WNT5B: variants seen among roughly 807,000 people sequenced by gnomAD.
WNT5B encodes the protein Wnt family member 5B.
WNT5B carries 18 observed loss-of-function variants against 36.5 expected under a neutral mutation model. That is an observed-to-expected ratio of 0.49 (90% CI 0.34 to 0.73). The LOEUF (loss-of-function observed/expected upper bound fraction) is 0.73, where lower values mean the gene tolerates loss of function less well. Ranked by LOEUF, WNT5B falls within the 30% of genes least tolerant of loss-of-function variation. The pLI is 0.01. For missense variants in WNT5B, 424 were observed against 508.4 expected (o/e 0.83, Z 1.60); for synonymous variants, 213 against 212.3 (o/e 1.00, Z -0.03).
intron 1 of WNT5B, 36 bp from the exon 2 acceptor site, chr12:1,631,262 G>T: frequency 6.4e-7 from 1 of 1,568,644 alleles, no homozygotes; most frequent in Non-Finnish European, 8.7e-7. Context: ...TATCCGCTGA[G>T]TTTCCACACT....
Position 1,646,182 on chromosome 12 carries a change from A to G in WNT5B, c.1010A>G (p.Lys337Arg), listed in dbSNP as rs752353478. 8.1e-6 allele frequency: 13 copies of G among 1,613,890 alleles called. No individual in the cohort carries two copies. In the Admixed American group the frequency reaches 1.3e-4, roughly 17 times the overall value. Reference sequence around the variant, plus strand: ...GTGCAGGTGGAGCGCTGCCACTGCAAGTTCCACTGGTGCTGCTTCGTCAGG... The same window carrying G: ...GTGCAGGTGGAGCGCTGCCACTGCAGGTTCCACTGGTGCTGCTTCGTCAGG... ...KSVQVERCHC[K>R]FHWCCFVRCK... Residue 337 changes from lysine (K) to arginine (R), a missense_variant, in exon 5 of 5, where the codon AAG (lysine) becomes AGG (arginine). By Grantham distance (26) the Lys-to-Arg change is conservative (BLOSUM62 2). Transcript: ENST00000397196.
chr12:1,646,140 A>G lies in WNT5B; in HGVS notation c.968A>G (p.Tyr323Cys). The G allele has an allele frequency of 6.2e-7, 1 of 1,613,890 alleles. No individual in the cohort carries two copies. The highest frequency in any genetic ancestry group is 8.5e-7 in the Non-Finnish European group (1 of 1,180,038). The stretch of plus-strand genomic sequence containing the variant: ...GAGCTCATGTGCTGCGGGCGTGGCT[A>G]CAACCAGTTCAAGAGCGTGCAGGTG... ...GCELMCCGRG[Y>C]NQFKSVQVER... Residue 323 changes from tyrosine to cysteine, a missense_variant, in exon 5 of 5, where the codon TAC becomes TGC. Tyr to Cys is a radical substitution (Grantham distance 194, BLOSUM62 -2). Transcript: ENST00000397196.
intron 4 of WNT5B, 109 bp downstream of exon 4, chr12:1,640,085 T>C: frequency 7.6e-7 from 1 of 1,309,850 alleles, no homozygotes; most frequent in Non-Finnish European, 1.0e-6. Context: ...AGTCTGACCG[T>C]GAAGATTCTT....
rs567842729 is a variant in WNT5B, at chr12:1,622,990, C to G, written c.-58+5847C>G. On this transcript the variant is annotated intron_variant, in intron 1 of 4. Coordinates refer to the WNT5B transcript ENST00000310594. ...GAGAGGAGAAACCATTCCCAGAAGTCGGCAAGGCACAGCGGGGAGAAACAG... is the reference window on the plus strand; with the variant it reads ...GAGAGGAGAAACCATTCCCAGAAGTGGGCAAGGCACAGCGGGGAGAAACAG... Among the ~76,000 whole-genome samples, 23 of 152,016 alleles carry G rather than the reference C, an allele frequency of 1.5e-4. No individual in the cohort carries two copies. In the South Asian group the frequency reaches 4.6e-3, roughly 30 times the overall value.
intron 1 of WNT5B, 93 bp from the exon 2 acceptor site, chr12:1,631,204 AG>A (rs1416311703): frequency 1.8e-5 from 20 of 1,128,066 alleles, no homozygotes; most frequent in Non-Finnish European, 2.5e-5. Context: ...GCAGCACGTA[AG>A]CATCAGTGCA....
chr12:1,623,196 T>TTTTG (rs2094536473), intron 1 of WNT5B, among the ~76,000 whole-genome samples: 3 of 114,888 alleles, frequency 2.6e-5, no homozygotes, highest in Non-Finnish European at 3.6e-5. Context: ...TGTTTTTTTT[T>TTTTG]TTTTTTTTTT....
chr12:1,623,187 GTTT>G (rs771500550), intron 1 of WNT5B, among the ~76,000 whole-genome samples: 100 of 58,352 alleles, frequency 1.7e-3, no homozygotes, highest in African/African-American at 6.0e-3. Context: ...GTTTTTTGTT[GTTT>G]TTTTTTTTTT....
chr12:1,620,426 T>C (rs1329936532), intron 1 of WNT5B, among the ~76,000 whole-genome samples: 3 of 152,264 alleles, frequency 2.0e-5, no homozygotes, highest in African/African-American at 4.8e-5. Flanking sequence ...TTTTCCTTCC[T>C]GCATAATAAT....
chr12:1,618,132 G>A lies in WNT5B; in HGVS notation c.-58+989G>A, dbSNP rs1052354440. On this transcript the variant is annotated intron_variant, in intron 1 of 4. Coordinates refer to the WNT5B transcript ENST00000310594. The surrounding 1 kb of genome is among the most constrained non-coding windows in gnomAD (Gnocchi z 4.1). The stretch of plus-strand genomic sequence containing the variant: ...ACTCCAGCCTGGGTGACAGTGAGAC[G>A]ATGTCTCCAAAAAAGAAAAGACAGC... Among the ~76,000 whole-genome samples, 10 of 152,094 alleles carry A rather than the reference G, an allele frequency of 6.6e-5. No individual in the cohort carries two copies. Among genetic ancestry groups the A allele is most frequent in the Admixed American group, 3.3e-4 (5 of 15,264 alleles).
At chr12:1,617,751 A>C (rs554295697) in intron 1 of WNT5B, among the ~76,000 whole-genome samples, 50 of 152,362 alleles carry the variant, frequency 3.3e-4, no homozygotes, top group Non-Finnish European at 6.8e-4. Context: ...GGAGAAAGAC[A>C]GCAGAGAGCA....
chr12:1,631,221 C>T, intron 1 of WNT5B, 77 bp from the exon 2 acceptor site: 1 of 1,386,164 alleles, frequency 7.2e-7, no homozygotes, highest in South Asian at 1.4e-5. Context: ...GTGCAACTTT[C>T]TCCGCCTCAC....
chr12:1,629,166 G>A (rs944694623), upstream of WNT5B: 10 of 152,214 alleles, frequency 6.6e-5, no homozygotes, highest in Admixed American at 2.6e-4. Context: ...ATAAGGCACT[G>A]AGGGCGGGAT....
chr12:1,636,497 CTATATA>C (rs56095993), intron 3 of WNT5B, among the ~76,000 whole-genome samples: 7,855 of 80,666 alleles, frequency 0.097, 414 homozygotes, highest in Middle Eastern at 0.16. Context: ...GTGTTGCAGT[CTATATA>C]TATATATATA....
upstream of WNT5B, among the ~76,000 whole-genome samples, chr12:1,627,143 G>A (rs180979120): frequency 2.6e-5 from 4 of 152,306 alleles, no homozygotes; most frequent in Admixed American, 6.5e-5. This position sits in a 1 kb window ranked among gnomAD's most constrained non-coding sequence, Gnocchi z 5.0. Flanking sequence ...GAATAATGGC[G>A]ATGGGGGCCT....
upstream of WNT5B, among the ~76,000 whole-genome samples, chr12:1,627,954 C>G (rs2094543476): frequency 6.6e-6 from 1 of 152,142 alleles, no homozygotes; most frequent in African/African-American, 2.4e-5. The surrounding 1 kb of genome is among the most constrained non-coding windows in gnomAD (Gnocchi z 5.0). Flanking sequence ...AGAGCAGTAA[C>G]TGGCACATAT....
chr12:1,631,993 A>G (rs964104125), intron 2 of WNT5B, among the ~76,000 whole-genome samples: 2 of 151,982 alleles, frequency 1.3e-5, no homozygotes, highest in African/African-American at 4.8e-5. Flanking sequence ...CTCATCTAAC[A>G]CTCTATATGG....
At chr12:1,639,251 C>T (rs1054524099) in intron 3 of WNT5B, among the ~76,000 whole-genome samples, 2 of 151,240 alleles carry the variant, frequency 1.3e-5, no homozygotes, top group Non-Finnish European at 3.0e-5. Flanking sequence ...CATTCTCCTG[C>T]CTCAGCCTCC....
Position 1,623,196 on chromosome 12 carries a change from T to TTG in WNT5B, c.-58+6054_-58+6055insGT, listed in dbSNP as rs1565603195. Among the ~76,000 whole-genome samples the TTG allele has an allele frequency of 4.0e-4, 46 of 114,888 alleles. 2 individuals carry two copies. Among genetic ancestry groups the TTG allele is most frequent in the African/African-American group, 1.5e-3 (44 of 28,630 alleles). 75.4% of individuals were successfully genotyped at this position (114,888 alleles called of 152,430 possible). ...TGAAGGGTTTTTTGTTGTTTTTTTT[T>TTG]TTTTTTTTTTTTTTTTTGAGACGGA... On this transcript the variant is annotated intron_variant, in intron 1 of 4. Coordinates refer to the WNT5B transcript ENST00000310594.
intron 3 of WNT5B, among the ~76,000 whole-genome samples, chr12:1,634,306 G>A (rs879332962): frequency 2.6e-5 from 4 of 152,164 alleles, no homozygotes; most frequent in South Asian, 2.1e-4. Flanking sequence ...CCTGCCCTGC[G>A]TTTTGGGCAA....
Sources: gnomAD v4.1 joint callset for allele counts (sites outside exome capture counted in the v4.1 genomes callset) on GRCh38, gnomAD v4.1.1 for gene constraint, Gnocchi (gnomAD v3.1) non-coding constraint, MANE v1.5 for transcripts, NCBI Gene and HGNC (gene_info 2026-07-23, HGNC 2026-07-21) for gene names.